Variants in BRD1 observed in about 807,000 individuals in gnomAD.
BRD1 encodes bromodomain-containing protein 1.
Under a neutral mutation model 107.7 loss-of-function variants are expected in BRD1, and 24 were observed. The ratio of observed to expected loss-of-function variants is 0.22; its 90% CI spans 0.16 to 0.31. BRD1 has a LOEUF of 0.31. Among genes scored for constraint, BRD1 ranks in the 10% least tolerant of loss-of-function variants. The pLI is 1.00. For missense variants in BRD1, 1,279 were observed against 1,638.6 expected, an observed-to-expected ratio of 0.78 and a Z score of 3.79; for synonymous variants, 744 against 686.1, an observed-to-expected ratio of 1.08 and a Z score of -1.32.
At chr22:49,813,995 C>T (rs1454922438) in intron 2 of BRD1, among the ~76,000 whole-genome samples, 3 of 151,996 alleles carry the variant, frequency 2.0e-5, no homozygotes, top group Non-Finnish European at 2.9e-5. Context: ...TTCGGTTCAT[C>T]AGACAATAGA....
At chr22:49,812,988 G>A (rs1200104610) in intron 2 of BRD1, among the ~76,000 whole-genome samples, 1 of 152,200 alleles carries the variant, frequency 6.6e-6, no homozygotes, top group Non-Finnish European at 1.5e-5. Flanking sequence ...CAAGGTCCAG[G>A]TCACAGCTGG....
chr22:49,824,205 C>T lies in BRD1; in HGVS notation c.113G>A (p.Arg38Lys). The T allele has an allele frequency of 1.2e-6, 2 of 1,613,970 alleles. No individual in the cohort carries two copies. The highest frequency in any genetic ancestry group is 8.5e-7 in the Non-Finnish European group (1 of 1,180,030). Residue 38 changes from arginine (R) to lysine (K), a missense_variant, in exon 2 of 13, where the codon AGG (arginine) becomes AAG (lysine). Coordinates refer to ENST00000404760, the MANE Select transcript of BRD1 (RefSeq NM_001304808.3). The surrounding 1 kb of genome is among the most constrained non-coding windows in gnomAD (Gnocchi z 5.9). ...CCCTTCAATTTCTATCTCTACCATC[C>T]TTTGAGCTTGAGCGTAGGTCAGCGT... Reference protein sequence around the residue: ...RETLTYAQAQRMVEIEIEGRL... With the variant: ...RETLTYAQAQKMVEIEIEGRL...
Position 49,777,041 on chromosome 22 carries a change from G to A in BRD1, c.3114C>T (p.Ile1038=), listed in dbSNP as rs377653828. ...CAGGTCCGGGCGACTCACCGGCTGC[G>A]ATCCTGGCCGCCTTGGCGTAGTTCC... ...ENGNYAKAAR[I]AAEVGQSSMW... is the part of the protein sequence containing the mutation. Residue 1038 remains isoleucine, a synonymous_variant, in exon 10 of 13, where the codon ATC becomes ATT. Coordinates refer to ENST00000404760, the MANE Select transcript of BRD1 (RefSeq NM_001304808.3). 123 of 1,613,018 alleles carry A rather than the reference G, an allele frequency of 7.6e-5. No homozygotes were observed. Among genetic ancestry groups the A allele is most frequent in the African/African-American group, 4.3e-4 (32 of 74,952 alleles).
intron 9 of BRD1, 68 bp from the exon 10 acceptor site, chr22:49,777,229 C>A: frequency 6.3e-7 from 1 of 1,590,200 alleles, no homozygotes; most frequent in Non-Finnish European, 8.5e-7. Context: ...GGGCTTCGTC[C>A]CGTGAGCTGT....
At position 49,776,203 on chromosome 22, in the gene BRD1, C is replaced by T. The variant is rs114298169; in HGVS notation, c.3122-44G>A. 699 of 1,529,968 alleles carry T rather than the reference C, an allele frequency of 4.6e-4. 3 individuals carry two copies. The African/African-American group carries it at 8.6e-3, about 19-fold the overall frequency. 94.8% of individuals were successfully genotyped at this position (1,529,968 alleles called of 1,614,324 possible). A position where few individuals can be genotyped will look rare whatever the true frequency, so the allele number is the denominator to read the frequency against. On this transcript the variant is annotated intron_variant, in intron 10 of 12. Transcript: ENST00000404760. ...GCAGGACACAGGCGTCAGCAGGACA[C>T]GGGGCACGCCCCGCCCCCCCACAAA...
At chr22:49,819,981 T>G (rs932318267) in intron 2 of BRD1, among the ~76,000 whole-genome samples, 1 of 151,282 alleles carries the variant, frequency 6.6e-6, no homozygotes, top group Admixed American at 6.6e-5. Context: ...AATACAAAAA[T>G]CGGCCGGGTG....
chr22:49,810,298 T>C (rs2059826280), intron 2 of BRD1, among the ~76,000 whole-genome samples: 1 of 152,104 alleles, frequency 6.6e-6, no homozygotes, highest in Admixed American at 6.5e-5. Flanking sequence ...GCGAGAAAAT[T>C]GCTTGAGCCC....
rs2060113340 is a variant in BRD1, at chr22:49,823,853, C to T, written c.465G>A (p.Glu155=). ...KSAEELDNEV[E]YDMDEEDYAW... ...CATAGTCCTCCTCGTCCATGTCATA[C>T]TCCACCTCGTTGTCCAGTTCCTCGG... The change falls in exon 2 of 13, where the codon GAG becomes GAA. Residue 155 remains glutamate, a synonymous_variant. Transcript: ENST00000404760. The T allele has an allele frequency of 6.2e-7, 1 of 1,614,238 alleles. No individual in the cohort carries two copies.
chr22:49,776,473 C>G (rs762711616), intron 10 of BRD1, among the ~76,000 whole-genome samples: 1 of 152,226 alleles, frequency 6.6e-6, no homozygotes, highest in African/African-American at 2.4e-5. Context: ...AAGGACGGGG[C>G]TCCCAGCATG....
At chr22:49,778,405 G>A (rs1438218008) in intron 8 of BRD1, among the ~76,000 whole-genome samples, 2 of 152,250 alleles carry the variant, frequency 1.3e-5, no homozygotes, top group Non-Finnish European at 2.9e-5. Flanking sequence ...GTGTCTGAGT[G>A]TGTCTGGCCT....
At chr22:49,801,575 C>T (rs867982598) in intron 3 of BRD1, among the ~76,000 whole-genome samples, 1 of 152,262 alleles carries the variant, frequency 6.6e-6, no homozygotes, top group Non-Finnish European at 1.5e-5. Context: ...GGTTTCCAGG[C>T]TCTCCACGCC....
intron 3 of BRD1, among the ~76,000 whole-genome samples, chr22:49,802,071 C>G (rs2059652599): frequency 6.6e-6 from 1 of 152,254 alleles, no homozygotes; most frequent in Admixed American, 6.5e-5. Context: ...GAGATAAGAC[C>G]CAAGATCTGA....
In BRD1 at chr22:49,821,837, C is replaced by T. The variant is rs540844198; in HGVS notation, c.1367+1114G>A. ...GTCTGTGTGGTACTGGGGCTCTAGG[C>T]GTCTCCCCCAGCCAAGCTGCAAGCT... is the stretch of plus-strand genomic sequence containing the variant. On this transcript the variant is annotated intron_variant, in intron 2 of 12. Transcript: ENST00000404760. Among the ~76,000 whole-genome samples, 5 of 152,326 alleles carry T rather than the reference C, an allele frequency of 3.3e-5. 1 individual carries two copies. The South Asian group carries it at 8.3e-4, about 25-fold the overall frequency.
At position 49,789,544 on chromosome 22, in the gene BRD1, A is replaced by C. The variant is rs113325310; in HGVS notation, c.2360-1657T>G. ...ATTACGACATTCAACTGCTCACTGCAATCCCAATGGCCTCTGCAGGGCCAA... is the reference window on the plus strand; with the variant it reads ...ATTACGACATTCAACTGCTCACTGCCATCCCAATGGCCTCTGCAGGGCCAA... On this transcript the variant is annotated intron_variant, in intron 7 of 12. Coordinates refer to ENST00000404760, the MANE Select transcript of BRD1 (RefSeq NM_001304808.3). 1.2e-3 allele frequency among the ~76,000 whole-genome samples: 168 copies of C among 139,320 alleles called. 1 individual carries two copies. The highest frequency in any genetic ancestry group is 4.3e-3 in the African/African-American group (159 of 37,154). The allele number at this position is 139,320 out of a possible 152,430, so 91.4% of individuals were successfully genotyped here. A position where few individuals can be genotyped will look rare whatever the true frequency, so the allele number is the denominator to read the frequency against.
At chr22:49,778,037 G>A (rs1037577001) in intron 8 of BRD1, among the ~76,000 whole-genome samples, 17 of 152,210 alleles carry the variant, frequency 1.1e-4, no homozygotes, top group African/African-American at 3.6e-4. Flanking sequence ...AGTCGGCTCC[G>A]ATCGTAGTAG....
At chr22:49,781,384 G>A (rs1361759038) in intron 8 of BRD1, among the ~76,000 whole-genome samples, 1 of 152,242 alleles carries the variant, frequency 6.6e-6, no homozygotes, top group Non-Finnish European at 1.5e-5. Flanking sequence ...CCACAGGGAA[G>A]AGAAGCCCCA....
intron 9 of BRD1, 50 bp from the exon 10 acceptor site, chr22:49,777,211 C>T (rs1244212201): frequency 1.2e-6 from 2 of 1,601,590 alleles, no homozygotes; most frequent in South Asian, 1.1e-5. Flanking sequence ...CTGCCTTCAG[C>T]CTCACTCGGG....
intron 7 of BRD1, 82 bp downstream of exon 7, chr22:49,793,952 C>CGTGTCT: frequency 6.6e-7 from 1 of 1,520,902 alleles, no homozygotes. Flanking sequence ...CGCTGCTGCC[C>CGTGTCT]GTGTCTGGGT....
chr22:49,773,645 C>A lies in BRD1; in HGVS notation c.*588G>T. ...TGCAAATGTATTTTTCATTATAAAG[C>A]AAATGAATACACTTTCTACAATAAA... On this transcript the variant is annotated 3_prime_UTR_variant, in exon 13 of 13. Coordinates refer to ENST00000404760, the MANE Select transcript of BRD1 (RefSeq NM_001304808.3). 1 of 152,610 alleles carries A rather than the reference C, an allele frequency of 6.6e-6. No individual in the cohort carries two copies. Among genetic ancestry groups the A allele is most frequent in the Admixed American group, 6.5e-5 (1 of 15,284 alleles). The allele number at this position is 152,610 out of a possible 1,614,324, so 9.5% of individuals were successfully genotyped here.
Sources: gnomAD v4.1 joint callset for allele counts (sites outside exome capture counted in the v4.1 genomes callset) on GRCh38, gnomAD v4.1.1 for gene constraint, Gnocchi (gnomAD v3.1) non-coding constraint, MANE v1.5 for transcripts, NCBI Gene and HGNC (gene_info 2026-07-23, HGNC 2026-07-21) for gene names.